The following ZSWIM6 variants were observed in gnomAD, a reference collection of about 807,000 sequenced individuals.
ZSWIM6 encodes the protein zinc finger SWIM-type containing 6.
A neutral mutation model predicts 113.2 loss-of-function variants in ZSWIM6; 9 were observed. The ratio of observed to expected loss-of-function variants is 0.08; its 90% CI spans 0.05 to 0.14. The LOEUF (loss-of-function observed/expected upper bound fraction) is 0.14, where lower values mean the gene tolerates loss of function less well. Among genes scored for constraint, ZSWIM6 ranks in the 10% least tolerant of loss-of-function variants. ZSWIM6 has a pLI of 1.00. For synonymous variants in ZSWIM6, 611 were observed against 606.5 expected (o/e 1.01, Z -0.11); for missense variants, 1,162 against 1,552.2 (o/e 0.75, Z 4.22).
At chr5:61,464,834 G>T (rs1185442618) in intron 1 of ZSWIM6, among the ~76,000 whole-genome samples, 2 of 152,226 alleles carry the variant, frequency 1.3e-5, no homozygotes, top group African/African-American at 4.8e-5. Flanking sequence ...AGGATCTTCT[G>T]CTTCCTCCTC....
intron 4 of ZSWIM6, among the ~76,000 whole-genome samples, chr5:61,502,557 GCA>G (rs1748501330): frequency 6.6e-6 from 1 of 152,192 alleles, no homozygotes; most frequent in African/African-American, 2.4e-5. Flanking sequence ...TATTATAAAT[GCA>G]TGCTTGATAA....
At chr5:61,428,766 A>T (rs1746518307) in intron 1 of ZSWIM6, among the ~76,000 whole-genome samples, 1 of 152,224 alleles carries the variant, frequency 6.6e-6, no homozygotes, top group Non-Finnish European at 1.5e-5. Context: ...TCTTCATATT[A>T]TAACAACTTA....
At chr5:61,420,024 G>A (rs1746324720) in intron 1 of ZSWIM6, among the ~76,000 whole-genome samples, 1 of 152,194 alleles carries the variant, frequency 6.6e-6, no homozygotes, top group Admixed American at 6.5e-5. Context: ...GTAACACGAA[G>A]ATCATATCTC....
intron 2 of ZSWIM6, 35 bp downstream of exon 2, chr5:61,473,072 C>T: frequency 7.7e-7 from 1 of 1,294,482 alleles, no homozygotes; most frequent in South Asian, 1.8e-5. Flanking sequence ...AATTTCCTCT[C>T]TGGATCCTTT....
At chr5:61,385,494 T>C (rs2112085769) in intron 1 of ZSWIM6, among the ~76,000 whole-genome samples, 1 of 152,356 alleles carries the variant, frequency 6.6e-6, no homozygotes, top group Non-Finnish European at 1.5e-5. Flanking sequence ...GTTTAGATCC[T>C]GGTTTTAGCC....
At chr5:61,530,239 TA>T in intron 8 of ZSWIM6, 41 bp downstream of exon 8, 3 of 1,520,386 alleles carry the variant, frequency 2.0e-6, no homozygotes, top group Non-Finnish European at 2.7e-6. Context: ...TTTCTTTTTC[TA>T]AACCCTGAAT....
intron 4 of ZSWIM6, among the ~76,000 whole-genome samples, chr5:61,515,016 G>A (rs933473572): frequency 1.3e-5 from 2 of 152,074 alleles, no homozygotes; most frequent in East Asian, 3.9e-4. Flanking sequence ...ATTTTTAACT[G>A]CAAATTTAAT....
intron 4 of ZSWIM6, among the ~76,000 whole-genome samples, chr5:61,506,041 C>T (rs189000502): frequency 5.9e-5 from 9 of 151,880 alleles, no homozygotes; most frequent in African/African-American, 1.2e-4. Flanking sequence ...CCACTGCGCC[C>T]GGCAGATTTA....
At chr5:61,377,577 C>T (rs572502845) in intron 1 of ZSWIM6, among the ~76,000 whole-genome samples, 1 of 151,988 alleles carries the variant, frequency 6.6e-6, no homozygotes, top group East Asian at 1.9e-4. Context: ...ATTAGCCGGG[C>T]GTGGCGGCAT....
intron 1 of ZSWIM6, among the ~76,000 whole-genome samples, chr5:61,406,008 G>T (rs1015379334): frequency 2.0e-4 from 30 of 152,196 alleles, no homozygotes; most frequent in African/African-American, 7.2e-4. Context: ...TGATAACCTT[G>T]TCATTCAGTA....
At chr5:61,368,092 A>G (rs1309707837) in intron 1 of ZSWIM6, among the ~76,000 whole-genome samples, 1 of 152,096 alleles carries the variant, frequency 6.6e-6, no homozygotes, top group Non-Finnish European at 1.5e-5. Flanking sequence ...ATGCCACTGT[A>G]CTCCAGCCTG....
chr5:61,357,493 A>G (rs1744940118), intron 1 of ZSWIM6, among the ~76,000 whole-genome samples: 1 of 151,580 alleles, frequency 6.6e-6, no homozygotes, highest in Non-Finnish European at 1.5e-5. Context: ...GAGTGGGAGA[A>G]ATGTTGTGAA....
At chr5:61,351,491 TAAATG>T (rs1744782111) in intron 1 of ZSWIM6, among the ~76,000 whole-genome samples, 1 of 152,238 alleles carries the variant, frequency 6.6e-6, no homozygotes, top group African/African-American at 2.4e-5. Context: ...CTTTCATTAA[TAAATG>T]AAGAGAGTTG....
At chr5:61,333,110 T>TTTCC (rs1744302322) in intron 1 of ZSWIM6, among the ~76,000 whole-genome samples, 162 bp downstream of exon 1, 1 of 151,172 alleles carries the variant, frequency 6.6e-6, no homozygotes. Context: ...GGAGCGCCCA[T>TTTCC]TTCCTCCCTC....
chr5:61,472,870 TCAA>T lies in ZSWIM6; in HGVS notation c.867_869del (p.Lys290del). The T allele has an allele frequency of 6.4e-7, 1 of 1,551,704 alleles. No individual in the cohort carries two copies. Among genetic ancestry groups the T allele is most frequent in the Non-Finnish European group, 8.7e-7 (1 of 1,146,970 alleles). ...TACCGCATCCGCAAGCCAGATCAGG[TCAA>T]ACTGCATCTTCCTATTTCAGAGACT... On this transcript the variant is annotated inframe_deletion, in exon 2 of 14. Coordinates refer to ENST00000252744, the MANE Select transcript of ZSWIM6 (RefSeq NM_020928.2). The surrounding 1 kb of genome is among the most constrained non-coding windows in gnomAD (Gnocchi z 4.1).
At chr5:61,468,160 G>A (rs191990570) in intron 1 of ZSWIM6, among the ~76,000 whole-genome samples, 1 of 152,194 alleles carries the variant, frequency 6.6e-6, no homozygotes, top group South Asian at 2.1e-4. Flanking sequence ...ATTCAGAGAG[G>A]TTAAATATTT....
chr5:61,494,998 A>G (rs936864537), intron 4 of ZSWIM6, among the ~76,000 whole-genome samples: 1 of 152,148 alleles, frequency 6.6e-6, no homozygotes, highest in African/African-American at 2.4e-5. Flanking sequence ...AATACTGGGA[A>G]TTTTATTTGG....
chr5:61,333,251 T>G (rs1000804583), intron 1 of ZSWIM6, among the ~76,000 whole-genome samples: 1 of 151,414 alleles, frequency 6.6e-6, no homozygotes, highest in Admixed American at 6.6e-5. Flanking sequence ...GAGCACATCC[T>G]GGAGGGCTGT....
At chr5:61,445,192 C>G (rs1028241564) in intron 1 of ZSWIM6, among the ~76,000 whole-genome samples, 8 of 152,096 alleles carry the variant, frequency 5.3e-5, no homozygotes, top group African/African-American at 1.9e-4. Context: ...CTGTGCCAAA[C>G]TTATCAAAGT....
Sources: gnomAD v4.1 joint callset for allele counts (sites outside exome capture counted in the v4.1 genomes callset) on GRCh38, gnomAD v4.1.1 for gene constraint, Gnocchi (gnomAD v3.1) non-coding constraint, MANE v1.5 for transcripts, NCBI Gene and HGNC (gene_info 2026-07-23, HGNC 2026-07-21) for gene names.